Variants in SLCO6A1 observed in about 807,000 individuals in gnomAD.
The protein encoded by SLCO6A1 is solute carrier organic anion transporter family member 6A1.
In SLCO6A1, 65 loss-of-function variants were observed where a neutral mutation model predicts 72.7. The observed-to-expected ratio is 0.89, with a 90% CI of 0.73 to 1.10. The LOEUF (loss-of-function observed/expected upper bound fraction) is 1.10. SLCO6A1 is among the 50% of genes least tolerant of loss of function. The pLI, the probability that SLCO6A1 is intolerant of heterozygous loss-of-function variation, is 0.00. For missense variants in SLCO6A1, 874 were observed against 872.6 expected (o/e 1.00, Z -0.02); for synonymous variants, 314 against 298.2 (o/e 1.05, Z -0.55).
At chr5:102,473,677 C>T (rs1332732170) in intron 4 of SLCO6A1, among the ~76,000 whole-genome samples, 1 of 151,880 alleles carries the variant, frequency 6.6e-6, no homozygotes, top group African/African-American at 2.4e-5. Context: ...TAAAATTATC[C>T]CTGTTCTCAG....
intron 9 of SLCO6A1, among the ~76,000 whole-genome samples, chr5:102,409,287 A>G (rs1010249395): frequency 7.2e-5 from 11 of 152,170 alleles, no homozygotes; most frequent in Non-Finnish European, 1.3e-4. Flanking sequence ...ACTTTTGCAT[A>G]AGTTTCATTG....
intron 5 of SLCO6A1, among the ~76,000 whole-genome samples, 157 bp from the exon 6 acceptor site, chr5:102,458,648 C>A (rs1396870289): frequency 6.6e-6 from 1 of 152,110 alleles, no homozygotes; most frequent in Non-Finnish European, 1.5e-5. Context: ...TTAAAAGACA[C>A]AATCTTCTAA....
At chr5:102,470,345 T>C (rs1343228419) in intron 4 of SLCO6A1, among the ~76,000 whole-genome samples, 1 of 152,156 alleles carries the variant, frequency 6.6e-6, no homozygotes, top group East Asian at 1.9e-4. Flanking sequence ...GAACCTGTTA[T>C]TGGTCTATTC....
chr5:102,388,602 A>T, intron 12 of SLCO6A1, 86 bp downstream of exon 12: 2 of 1,036,544 alleles, frequency 1.9e-6, no homozygotes, highest in Non-Finnish European at 2.7e-6. Flanking sequence ...TTCATGGTTT[A>T]AAATTATAAT....
intron 7 of SLCO6A1, among the ~76,000 whole-genome samples, chr5:102,428,536 C>T (rs1749040210): frequency 1.3e-5 from 2 of 151,418 alleles, no homozygotes; most frequent in Admixed American, 1.3e-4. Context: ...GATACATATG[C>T]AGGTTAGTTA....
Position 102,498,988 on chromosome 5 carries a change from C to A in SLCO6A1, c.-144G>T. 1 of 752,180 alleles carries A rather than the reference C, an allele frequency of 1.3e-6. No homozygotes were observed. Among genetic ancestry groups the A allele is most frequent in the South Asian group, 1.8e-5 (1 of 56,810 alleles). 46.6% of individuals were successfully genotyped at this position (752,180 alleles called of 1,614,324 possible). ...GCTCTTGCCGCCCAAGCCTCCAGAGCGAACGTTTCTCCTAGGGCAGGAGGC... is the reference window on the plus strand; with the variant it reads ...GCTCTTGCCGCCCAAGCCTCCAGAGAGAACGTTTCTCCTAGGGCAGGAGGC... On this transcript the variant is annotated 5_prime_UTR_variant, in exon 1 of 14. Transcript: ENST00000506729.
rs548653839 is a variant in SLCO6A1 at position 102,442,907 on chromosome 5, CA to C, written c.1132-4147del. ...TGAAACCCCGTCTCTACTAAAAATACAAAAATTAGGCTGGGTGCAGTGGCTC... is the reference window on the plus strand; with the variant it reads ...TGAAACCCCGTCTCTACTAAAAATACAAAATTAGGCTGGGTGCAGTGGCTC... On this transcript the variant is annotated intron_variant, in intron 6 of 13. Transcript: ENST00000506729. 8.3e-3 allele frequency among the ~76,000 whole-genome samples: 1,257 copies of C among 152,092 alleles called. 12 individuals are homozygous for C. The highest frequency in any genetic ancestry group is 0.015 in the Non-Finnish European group (1,008 of 67,984).
At chr5:102,455,872 C>A (rs944926784) in intron 6 of SLCO6A1, among the ~76,000 whole-genome samples, 1 of 152,140 alleles carries the variant, frequency 6.6e-6, no homozygotes, top group Non-Finnish European at 1.5e-5. Flanking sequence ...TACTGGTGAA[C>A]CGAATCCATT....
chr5:102,383,461 A>G (rs1014942819), intron 12 of SLCO6A1, among the ~76,000 whole-genome samples: 19 of 151,582 alleles, frequency 1.3e-4, no homozygotes, highest in Admixed American at 7.9e-4. Context: ...TTATCGTATT[A>G]TTTTTATCCT....
At chr5:102,384,410 T>G (rs1013478956) in intron 12 of SLCO6A1, among the ~76,000 whole-genome samples, 1 of 152,030 alleles carries the variant, frequency 6.6e-6, no homozygotes. Context: ...TTTCCTACAT[T>G]CCATTCTTTT....
At chr5:102,375,930 G>C (rs961310931) in intron 12 of SLCO6A1, among the ~76,000 whole-genome samples, 10 of 151,962 alleles carry the variant, frequency 6.6e-5, no homozygotes, top group Non-Finnish European at 7.4e-5. Context: ...TGGATCCAAG[G>C]AGCTCAGCAT....
intron 6 of SLCO6A1, among the ~76,000 whole-genome samples, chr5:102,455,735 A>C (rs1334819571): frequency 6.6e-6 from 1 of 152,240 alleles, no homozygotes; most frequent in Non-Finnish European, 1.5e-5. Context: ...CAGAAGGAAA[A>C]TACCTGGTGC....
chr5:102,414,258 G>T (rs1748148597), intron 8 of SLCO6A1, among the ~76,000 whole-genome samples: 1 of 151,996 alleles, frequency 6.6e-6, no homozygotes, highest in Non-Finnish European at 1.5e-5. Flanking sequence ...TGCAAGATGT[G>T]AATTAAAATT....
chr5:102,376,140 T>C (rs1250463699), intron 12 of SLCO6A1, among the ~76,000 whole-genome samples: 1 of 152,206 alleles, frequency 6.6e-6, no homozygotes, highest in Non-Finnish European at 1.5e-5. Context: ...GAAAGTGATG[T>C]AATGCCTTTA....
chr5:102,388,629 C>T (rs1037310011), intron 12 of SLCO6A1, 59 bp downstream of exon 12: 101 of 1,226,120 alleles, frequency 8.2e-5, no homozygotes, highest in Non-Finnish European at 1.1e-4. Context: ...TTACTATTAA[C>T]AACCATAACT....
chr5:102,491,694 C>T (rs370485015), intron 1 of SLCO6A1, among the ~76,000 whole-genome samples: 13 of 152,376 alleles, frequency 8.5e-5, no homozygotes, highest in East Asian at 3.9e-4. Flanking sequence ...CCCGCAAGCG[C>T]GGTGCGCAGC....
chr5:102,448,769 T>C (rs1750255426), intron 6 of SLCO6A1, among the ~76,000 whole-genome samples: 1 of 152,210 alleles, frequency 6.6e-6, no homozygotes, highest in African/African-American at 2.4e-5. Context: ...TGTCCTTGCA[T>C]GCGAGATGGG....
intron 1 of SLCO6A1, among the ~76,000 whole-genome samples, chr5:102,483,124 G>A (rs113889501): frequency 0.017 from 2,610 of 151,722 alleles, 35 homozygotes; most frequent in African/African-American, 0.033. Context: ...GCTAATATTC[G>A]TATCTATCTA....
intron 12 of SLCO6A1, among the ~76,000 whole-genome samples, 192 bp from the exon 13 acceptor site, chr5:102,373,686 T>C (rs958192953): frequency 6.6e-6 from 1 of 152,152 alleles, no homozygotes; most frequent in Non-Finnish European, 1.5e-5. Context: ...GTTTATAATA[T>C]GTTTTAGATT....
Sources: allele counts gnomAD v4.1 joint callset (sites outside exome capture counted in the v4.1 genomes callset), GRCh38; gene constraint gnomAD v4.1.1; transcripts MANE v1.5; gene names NCBI Gene and HGNC (gene_info 2026-07-23, HGNC 2026-07-21).